Variants in GRK4 observed in about 807,000 individuals in gnomAD.
The protein encoded by GRK4 is G protein-coupled receptor kinase 4.
A neutral mutation model predicts 77.9 loss-of-function variants in GRK4; 73 were observed. The observed-to-expected ratio is 0.94, with a 90% CI of 0.78 to 1.14. The LOEUF is 1.14. Ranked by LOEUF, GRK4 falls within the 50% of genes most tolerant of loss-of-function variation. GRK4 has a pLI of 0.00. For missense variants in GRK4, 729 were observed against 700.2 expected (o/e 1.04, Z -0.46); for synonymous variants, 257 against 254.4 (o/e 1.01, Z -0.10).
chr4:3,025,934 C>T (rs1043702894), intron 10 of GRK4, among the ~76,000 whole-genome samples: 1 of 152,206 alleles, frequency 6.6e-6, no homozygotes, highest in South Asian at 2.1e-4. Context: ...GGCTATTTCA[C>T]TGAATATACG....
At chr4:2,982,175 A>G (rs540037820) in intron 1 of GRK4, among the ~76,000 whole-genome samples, 8 of 151,470 alleles carry the variant, frequency 5.3e-5, no homozygotes, top group African/African-American at 2.0e-4. Context: ...TGCTCCCAGT[A>G]GTGTGGGGCT....
chr4:3,012,078 G>C (rs1733080346), intron 7 of GRK4, among the ~76,000 whole-genome samples: 1 of 152,222 alleles, frequency 6.6e-6, no homozygotes. Context: ...TTCACACCCA[G>C]CTCTCAGCAC....
At position 3,025,447 on chromosome 4, in the gene GRK4, T is replaced by C. The variant is rs184938281; in HGVS notation, c.971-2465T>C. Among the ~76,000 whole-genome samples, 1,259 of 143,980 alleles carry C rather than the reference T, an allele frequency of 8.7e-3. 25 individuals are homozygous for C. The highest frequency in any genetic ancestry group is 0.03 in the African/African-American group (1,167 of 38,348). The allele number at this position is 143,980 out of a possible 152,430, so 94.5% of individuals were successfully genotyped here. On this transcript the variant is annotated intron_variant, in intron 10 of 15. Transcript: ENST00000398052. ...CTCTGTCGCCCAGGCTGGTGTGCAG[T>C]GGCGTGATCTCGGCTCACTGTAAGC...
At position 2,992,362 on chromosome 4, in the gene GRK4, T is replaced by G. The variant is rs913433843; in HGVS notation, c.339+70T>G. 1.4e-5 allele frequency: 14 copies of G among 1,027,694 alleles called. No homozygotes were observed. The African/African-American group carries it at 2.1e-4, about 15-fold the overall frequency. 63.7% of individuals were successfully genotyped at this position (1,027,694 alleles called of 1,614,324 possible). On this transcript the variant is annotated intron_variant, in intron 4 of 15. Coordinates refer to ENST00000398052, the MANE Select transcript of GRK4 (RefSeq NM_182982.3). ...GAGTGCATAGCCATTTTTACTTTGT[T>G]AGATAAGACGTAACATATGTTAAAA...
intron 1 of GRK4, among the ~76,000 whole-genome samples, chr4:2,970,451 G>C (rs1311821327): frequency 6.6e-6 from 1 of 151,850 alleles, no homozygotes; most frequent in Non-Finnish European, 1.5e-5. Context: ...CGAGGTCCAG[G>C]TATCGAGACA....
chr4:2,967,131 G>C (rs1717955033), intron 1 of GRK4, among the ~76,000 whole-genome samples: 1 of 152,198 alleles, frequency 6.6e-6, no homozygotes, highest in Non-Finnish European at 1.5e-5. Context: ...GAATCAGAAA[G>C]TGGGCCCTCA....
intron 10 of GRK4, among the ~76,000 whole-genome samples, chr4:3,026,861 T>G (rs1737722769): frequency 6.6e-6 from 1 of 152,244 alleles, no homozygotes; most frequent in Non-Finnish European, 1.5e-5. Context: ...TCGCATATTT[T>G]TAGTTTTTAG....
intron 1 of GRK4, among the ~76,000 whole-genome samples, chr4:2,972,935 A>G (rs551522847): frequency 6.6e-6 from 1 of 152,138 alleles, no homozygotes; most frequent in Non-Finnish European, 1.5e-5. Context: ...GGGTTTCACC[A>G]TGTTGCCCTG....
chr4:3,037,414 A>C lies in GRK4; in HGVS notation c.1448A>C (p.Gln483Pro), dbSNP rs756057921. Reference sequence around the variant, plus strand: ...TGTAAGGACGTCCTGGATATCGAGCAGTTCTCGGTGGTGAAAGGGATCTAC... The same window carrying C: ...TGTAAGGACGTCCTGGATATCGAGCCGTTCTCGGTGGTGAAAGGGATCTAC... ...VYCKDVLDIEQFSVVKGIYLD... is the reference protein window; with the variant it reads ...VYCKDVLDIEPFSVVKGIYLD... The change falls in exon 14 of 16, where the codon CAG becomes CCG. Residue 483 changes from glutamine (Q) to proline (P), a missense_variant. Transcript: ENST00000398052. 1.2e-6 allele frequency: 2 copies of C among 1,609,028 alleles called. No homozygotes were observed. Among genetic ancestry groups the C allele is most frequent in the Admixed American group, 3.3e-5 (2 of 59,832 alleles).
chr4:2,980,179 G>T (rs1406663872), intron 1 of GRK4, among the ~76,000 whole-genome samples: 1 of 152,182 alleles, frequency 6.6e-6, no homozygotes, highest in Non-Finnish European at 1.5e-5. Context: ...ATGGACAGCA[G>T]ATGTCTTCTC....
intron 9 of GRK4, 62 bp from the exon 10 acceptor site, chr4:3,022,352 G>A (rs1736322720): frequency 2.0e-6 from 3 of 1,531,412 alleles, no homozygotes; most frequent in Admixed American, 3.4e-5. Context: ...TTCCTACTGG[G>A]TACTCAGGAA....
intron 8 of GRK4, among the ~76,000 whole-genome samples, chr4:3,014,803 A>AAG (rs1235115386): frequency 6.6e-6 from 1 of 152,048 alleles, no homozygotes. Context: ...TTTCAAAAAA[A>AAG]AGAGAGAGAG....
intron 1 of GRK4, among the ~76,000 whole-genome samples, chr4:2,974,726 T>C (rs546659287): frequency 5.3e-5 from 8 of 152,224 alleles, no homozygotes; most frequent in Non-Finnish European, 8.8e-5. Flanking sequence ...TCTGGTTGCA[T>C]GGAAAAGTTC....
chr4:3,028,032 T>C (rs1450327710), intron 11 of GRK4, 31 bp downstream of exon 11: 1 of 1,599,398 alleles, frequency 6.3e-7, no homozygotes, highest in African/African-American at 1.3e-5. Context: ...GTCCTTGTCC[T>C]TTCTATCCGG....
rs919758172 is a variant in GRK4 at position 3,011,338 on chromosome 4, C to T, written c.600+1627C>T. Among the ~76,000 whole-genome samples, 4 of 152,220 alleles carry T rather than the reference C, an allele frequency of 2.6e-5. No homozygotes were observed. The South Asian group carries it at 6.2e-4, about 24-fold the overall frequency. The stretch of plus-strand genomic sequence containing the variant: ...GCTCACGCCTGTAATCCTAGCACTT[C>T]GGGAGGCCAAGGTAGGCAGATCGCT... On this transcript the variant is annotated intron_variant, in intron 7 of 15. Transcript: ENST00000398052.
chr4:2,968,786 G>T (rs1364942822), intron 1 of GRK4, among the ~76,000 whole-genome samples: 1 of 151,474 alleles, frequency 6.6e-6, no homozygotes, highest in East Asian at 1.9e-4. Flanking sequence ...GTTTTAGACA[G>T]GGGGCTGCTG....
chr4:3,033,759 G>A (rs1578398723), intron 12 of GRK4, among the ~76,000 whole-genome samples: 1 of 152,178 alleles, frequency 6.6e-6, no homozygotes, highest in African/African-American at 2.4e-5. Context: ...GCTAATTTTT[G>A]TATTTTTAGT....
At chr4:3,027,516 CT>C (rs1737908428) in intron 10 of GRK4, among the ~76,000 whole-genome samples, 1 of 152,148 alleles carries the variant, frequency 6.6e-6, no homozygotes, top group African/African-American at 2.4e-5. Context: ...GTAGCTGTCC[CT>C]GTGTATAGTA....
At chr4:2,987,557 T>G (rs1724777815) in intron 2 of GRK4, among the ~76,000 whole-genome samples, 1 of 152,236 alleles carries the variant, frequency 6.6e-6, no homozygotes, top group Non-Finnish European at 1.5e-5. Flanking sequence ...GTTCCAAGTT[T>G]TTGGCTGTGT....
Sources: allele counts gnomAD v4.1 joint callset (sites outside exome capture counted in the v4.1 genomes callset), GRCh38; gene constraint gnomAD v4.1.1; transcripts MANE v1.5; gene names NCBI Gene and HGNC (gene_info 2026-07-23, HGNC 2026-07-21).